C11orf65: variants seen among roughly 807,000 people sequenced by gnomAD.
C11orf65 encodes the protein protein MFI.
Under a neutral mutation model 35.3 loss-of-function variants are expected in C11orf65, and 38 were observed. That is an observed-to-expected ratio of 1.08 (90% CI 0.83 to 1.41). The LOEUF (loss-of-function observed/expected upper bound fraction) is 1.41. Among genes scored for constraint, C11orf65 ranks in the 40% most tolerant of loss-of-function variants. The pLI is 0.00. For missense variants in C11orf65, 370 were observed against 367.1 expected, an observed-to-expected ratio of 1.01 and a Z score of -0.06; for synonymous variants, 105 against 114.4, an observed-to-expected ratio of 0.92 and a Z score of 0.53.
intron 6 of C11orf65, among the ~76,000 whole-genome samples, chr11:108,394,348 T>C (rs976459969): frequency 2.0e-5 from 3 of 150,836 alleles, no homozygotes; most frequent in Non-Finnish European, 4.4e-5. Context: ...GGAAGATCAT[T>C]TGAGGCCAGG....
intron 2 of C11orf65, among the ~76,000 whole-genome samples, chr11:108,442,699 C>T (rs1296440119): frequency 6.6e-6 from 1 of 152,148 alleles, no homozygotes; most frequent in Non-Finnish European, 1.5e-5. Context: ...GAATTTTCAA[C>T]CCAGAATTTC....
intron 2 of C11orf65, chr11:108,340,373 T>A (rs2087397293): frequency 1.6e-5 from 2 of 126,194 alleles, no homozygotes; most frequent in Non-Finnish European, 3.5e-5. Context: ...ATCTGTAAGA[T>A]AATGTCTGTT....
intron 2 of C11orf65, among the ~76,000 whole-genome samples, chr11:108,364,294 T>C (rs745463966): frequency 5.3e-5 from 8 of 152,196 alleles, no homozygotes; most frequent in Non-Finnish European, 4.4e-5. Flanking sequence ...TTACTAAGAT[T>C]TGTAAGCATT....
downstream of C11orf65, among the ~76,000 whole-genome samples, chr11:108,326,466 G>A (rs1283225885): frequency 1.1e-4 from 16 of 151,840 alleles, no homozygotes; most frequent in Admixed American, 9.8e-4. Context: ...CCAGTATTAA[G>A]CCTTTAACTT....
intron 3 of C11orf65, among the ~76,000 whole-genome samples, chr11:108,425,422 C>CA (rs1158058089): frequency 1.4e-4 from 22 of 152,146 alleles, no homozygotes; most frequent in Non-Finnish European, 2.8e-4. Context: ...TTCCTGGACA[C>CA]ATACACCCTC....
intron 2 of C11orf65, among the ~76,000 whole-genome samples, chr11:108,342,543 G>A (rs1163010329): frequency 1.3e-5 from 2 of 152,088 alleles, no homozygotes; most frequent in African/African-American, 4.8e-5. Flanking sequence ...TTGATGGTGG[G>A]AGGGACTTAG....
chr11:108,415,858 A>G (rs2092723005), intron 3 of C11orf65, among the ~76,000 whole-genome samples: 1 of 152,216 alleles, frequency 6.6e-6, no homozygotes, highest in East Asian at 1.9e-4. Context: ...TTTAGTGACA[A>G]AAGAATAGTC....
At chr11:108,411,150 G>A (rs538148799) in intron 3 of C11orf65, among the ~76,000 whole-genome samples, 1 of 152,044 alleles carries the variant, frequency 6.6e-6, no homozygotes, top group African/African-American at 2.4e-5. Flanking sequence ...CTCTACTTTA[G>A]ATACATTCCA....
chr11:108,409,249 A>C (rs2092612945), intron 3 of C11orf65, among the ~76,000 whole-genome samples: 1 of 152,178 alleles, frequency 6.6e-6, no homozygotes, highest in Admixed American at 6.5e-5. Flanking sequence ...TTATTGTTGG[A>C]CATTTGATAT....
intron 6 of C11orf65, chr11:108,326,259 AC>A: frequency 6.2e-7 from 1 of 1,612,128 alleles, no homozygotes; most frequent in Non-Finnish European, 8.5e-7. Context: ...TTAGTGTTTT[AC>A]TGTTATTTAA....
intron 2 of C11orf65, among the ~76,000 whole-genome samples, chr11:108,351,207 T>G (rs2089162729): frequency 6.6e-6 from 1 of 152,136 alleles, no homozygotes; most frequent in Non-Finnish European, 1.5e-5. Context: ...AAAATTAATG[T>G]ATAGTGTTAG....
At chr11:108,343,864 C>A (rs2087930938) in intron 2 of C11orf65, among the ~76,000 whole-genome samples, 1 of 152,184 alleles carries the variant, frequency 6.6e-6, no homozygotes, top group Non-Finnish European at 1.5e-5. Context: ...CCTTCTGAGA[C>A]ATTTACAATG....
intron 1 of C11orf65, among the ~76,000 whole-genome samples, chr11:108,464,087 T>G (rs895789642): frequency 6.6e-6 from 1 of 151,130 alleles, no homozygotes; most frequent in African/African-American, 2.4e-5. Flanking sequence ...CCACCACGCC[T>G]GGCTAATTTT....
chr11:108,332,947 C>A (rs2136578664), intron 3 of C11orf65: 10 of 1,584,414 alleles, frequency 6.3e-6, no homozygotes, highest in Non-Finnish European at 7.7e-6. Context: ...CTGTGTTACT[C>A]TCTGTAGAGA....
chr11:108,347,106 G>T (rs2088513970), intron 2 of C11orf65, among the ~76,000 whole-genome samples: 1 of 152,100 alleles, frequency 6.6e-6, no homozygotes, highest in Non-Finnish European at 1.5e-5. Context: ...AAAATAGCTG[G>T]CAAGATTTGA....
intron 2 of C11orf65, among the ~76,000 whole-genome samples, chr11:108,363,608 G>C (rs1371737139): frequency 1.3e-5 from 2 of 152,114 alleles, no homozygotes. Flanking sequence ...GAACACCTCA[G>C]AATGTACAAG....
intron 5 of C11orf65, 109 bp downstream of exon 5, chr11:108,406,654 A>G (rs775507465): frequency 4.1e-6 from 3 of 738,998 alleles, no homozygotes; most frequent in Non-Finnish European, 5.9e-6. Flanking sequence ...TTTATCAATT[A>G]AATTACTAGG....
At chr11:108,317,889 G>A (rs1347072753) in intron 6 of C11orf65, among the ~76,000 whole-genome samples, 1 of 151,560 alleles carries the variant, frequency 6.6e-6, no homozygotes, top group Non-Finnish European at 1.5e-5. Context: ...TATGAAAAGG[G>A]TTTTCGAAAT....
intron 6 of C11orf65, among the ~76,000 whole-genome samples, chr11:108,317,988 G>A (rs1044964547): frequency 1.3e-5 from 2 of 152,066 alleles, no homozygotes; most frequent in East Asian, 3.9e-4. Context: ...AAACATTTTA[G>A]TCAGTAAGAT....
Sources: allele counts gnomAD v4.1 joint callset (sites outside exome capture counted in the v4.1 genomes callset), GRCh38; gene constraint gnomAD v4.1.1; transcripts MANE v1.5; gene names NCBI Gene and HGNC (gene_info 2026-07-23, HGNC 2026-07-21).